NAA35: variants seen among roughly 807,000 people sequenced by gnomAD.
NAA35 encodes N-alpha-acetyltransferase 35, NatC auxiliary subunit.
Under a neutral mutation model 101.7 loss-of-function variants are expected in NAA35, and 18 were observed. The ratio of observed to expected loss-of-function variants is 0.18; its 90% CI spans 0.12 to 0.26. NAA35 has a LOEUF of 0.26. NAA35 is among the 10% of genes least tolerant of loss of function. The pLI, the probability that NAA35 is intolerant of heterozygous loss-of-function variation, is 1.00. For missense variants in NAA35, 601 were observed against 886.8 expected, an observed-to-expected ratio of 0.68 and a Z score of 4.09; for synonymous variants, 267 against 273.1, an observed-to-expected ratio of 0.98 and a Z score of 0.22.
In NAA35 at chr9:86,025,415, A is replaced by G. The variant is rs138072003; in HGVS notation, c.*3455A>G. On this transcript the variant is annotated 3_prime_UTR_variant, in exon 23 of 23. Coordinates refer to ENST00000361671, the MANE Select transcript of NAA35 (RefSeq NM_024635.4). ...CTGGGCTTGAAGAACTGACTTCCCCATATTCATACTTGCCCCACTCTATTT... is the reference window on the plus strand; with the variant it reads ...CTGGGCTTGAAGAACTGACTTCCCCGTATTCATACTTGCCCCACTCTATTT... Among the ~76,000 whole-genome samples, 66 of 152,288 alleles carry G rather than the reference A, an allele frequency of 4.3e-4. 1 individual carries two copies. Among genetic ancestry groups the G allele is most frequent in the African/African-American group, 1.4e-3 (59 of 41,570 alleles).
chr9:85,950,006 G>T (rs1828943317), intron 2 of NAA35, among the ~76,000 whole-genome samples: 2 of 152,136 alleles, frequency 1.3e-5, no homozygotes, highest in Non-Finnish European at 2.9e-5. Context: ...GCTACATGAT[G>T]TGTGATGATG....
intron 2 of NAA35, among the ~76,000 whole-genome samples, chr9:85,955,327 C>CATAT (rs1173706353): frequency 9.7e-4 from 80 of 82,844 alleles, no homozygotes; most frequent in East Asian, 3.4e-3. Context: ...CATCTATATA[C>CATAT]ATATATATAT....
chr9:85,960,010 C>T (rs1829442884), intron 5 of NAA35, 143 bp downstream of exon 5: 4 of 529,876 alleles, frequency 7.5e-6, no homozygotes, highest in East Asian at 3.0e-5. Flanking sequence ...ATTAACAGGC[C>T]TAGTAATAGC....
intron 6 of NAA35, among the ~76,000 whole-genome samples, chr9:85,962,807 C>CA (rs928903343): frequency 1.3e-5 from 2 of 152,108 alleles, no homozygotes; most frequent in African/African-American, 4.8e-5. Flanking sequence ...CCCTTGTCCT[C>CA]AAGTCTCTTA....
chr9:85,982,669 T>C (rs1351416883), intron 11 of NAA35, among the ~76,000 whole-genome samples: 2 of 152,130 alleles, frequency 1.3e-5, no homozygotes, highest in Admixed American at 1.3e-4. Context: ...TAACACACAG[T>C]TTCAAGAGGA....
At chr9:86,010,581 T>A (rs1031725926) in intron 15 of NAA35, among the ~76,000 whole-genome samples, 54 of 149,602 alleles carry the variant, frequency 3.6e-4, no homozygotes, top group Non-Finnish European at 7.0e-4. Context: ...TTTTTTTTTT[T>A]TTTTTTTTTT....
chr9:85,990,228 C>T (rs1830844566), intron 11 of NAA35, among the ~76,000 whole-genome samples: 1 of 152,210 alleles, frequency 6.6e-6, no homozygotes, highest in Admixed American at 6.5e-5. Context: ...CTAATCCGTA[C>T]CTGTGAGAAC....
At chr9:85,966,682 G>A (rs1829756508) in intron 6 of NAA35, 2 of 1,259,188 alleles carry the variant, frequency 1.6e-6, no homozygotes, top group South Asian at 1.3e-5. Flanking sequence ...GCAGTAAGTT[G>A]ACACTTCTGT....
At chr9:85,995,623 T>G (rs1369651639) in intron 11 of NAA35, among the ~76,000 whole-genome samples, 4 of 152,186 alleles carry the variant, frequency 2.6e-5, no homozygotes, top group Admixed American at 2.6e-4. Context: ...TTATCTTTAA[T>G]TGGCATCTGA....
chr9:86,022,592 T>TA lies in NAA35; in HGVS notation c.*633dup, dbSNP rs1019796687. On this transcript the variant is annotated 3_prime_UTR_variant, in exon 23 of 23. Transcript: ENST00000361671. ...TCCTTTTAGCACTTTTAAAAGATTA[T>TA]ACATTGTTTGCTGGTGACATGCAAA... Among the ~76,000 whole-genome samples, 4 of 152,236 alleles carry TA rather than the reference T, an allele frequency of 2.6e-5. No homozygotes were observed. Among genetic ancestry groups the TA allele is most frequent in the Non-Finnish European group, 5.9e-5 (4 of 68,042 alleles).
intron 6 of NAA35, among the ~76,000 whole-genome samples, chr9:85,964,039 C>G (rs1473811435): frequency 6.6e-6 from 1 of 150,876 alleles, no homozygotes; most frequent in Admixed American, 6.6e-5. Context: ...TTTTTTATAA[C>G]AAGATTGTTG....
chr9:85,974,014 T>G (rs538205631), intron 6 of NAA35, among the ~76,000 whole-genome samples: 1 of 152,262 alleles, frequency 6.6e-6, no homozygotes, highest in African/African-American at 2.4e-5. Flanking sequence ...TGGATTGCAG[T>G]GGCTCGATCT....
chr9:85,975,024 C>A lies in NAA35; in HGVS notation c.574C>A (p.Arg192=), dbSNP rs1001701452. ...FKMANSVTDL[R]VTGMLKDVED... ...AATGGCTAACAGTGTGACAGATCTTCGAGTTACAGGTAAAATTATTTTTAA... is the reference window on the plus strand; with the variant it reads ...AATGGCTAACAGTGTGACAGATCTTAGAGTTACAGGTAAAATTATTTTTAA... The change falls in exon 7 of 23, where the codon CGA becomes AGA. Residue 192 remains arginine (R), a synonymous_variant. Transcript: ENST00000361671. The A allele has an allele frequency of 6.2e-7, 1 of 1,612,388 alleles. No homozygotes were observed. The highest frequency in any genetic ancestry group is 1.3e-5 in the African/African-American group (1 of 74,814).
rs192407593 is a variant in NAA35, at chr9:85,979,717, T to G, written c.877+1336T>G. Among the ~76,000 whole-genome samples the G allele has an allele frequency of 1.3e-3, 191 of 152,346 alleles. 4 individuals carry two copies. In the South Asian group the frequency reaches 0.033, roughly 27 times the overall value. ...CCCTGTTTTGGAAAAGATTTCACTC[T>G]GTATTTTTCCTGTGCTCTCACACCA... On this transcript the variant is annotated intron_variant, in intron 11 of 22. Coordinates refer to ENST00000361671, the MANE Select transcript of NAA35 (RefSeq NM_024635.4).
chr9:85,998,879 G>C (rs1237536840), intron 12 of NAA35, among the ~76,000 whole-genome samples: 1 of 152,198 alleles, frequency 6.6e-6, no homozygotes, highest in African/African-American at 2.4e-5. Context: ...CCCTTTGGTT[G>C]CTGGTTGCCA....
chr9:86,013,664 G>T, intron 16 of NAA35, 55 bp from the exon 17 acceptor site: 2 of 1,516,558 alleles, frequency 1.3e-6, no homozygotes, highest in Non-Finnish European at 9.0e-7. Flanking sequence ...TTAAAGTTCT[G>T]TCATTACCTT....
chr9:85,996,504 A>G lies in NAA35; in HGVS notation c.983A>G (p.Tyr328Cys), dbSNP rs1408491461. The G allele has an allele frequency of 2.5e-6, 4 of 1,604,750 alleles. No homozygotes were observed. The highest frequency in any genetic ancestry group is 1.7e-4 in the Middle Eastern group (1 of 5,886). Residue 328 changes from tyrosine to cysteine, a missense_variant, in exon 12 of 23, where the codon TAT (tyrosine) becomes TGT (cysteine). Around this residue, in one of 8 missense-constraint regions of NAA35, gnomAD observed 190 missense variants for 223.1 expected, o/e 0.85. Coordinates refer to ENST00000361671, the MANE Select transcript of NAA35 (RefSeq NM_024635.4). ...ATTAAAAGGGAAGAAATGGTGAACT[A>G]TTTTGCAAGATTAATAGATAGAATA... ...KIIKREEMVN[Y>C]FARLIDRIKT...
In NAA35 at chr9:85,961,989, A is replaced by G. The variant is rs920912011; in HGVS notation, c.349-24A>G. On this transcript the variant is annotated intron_variant, in intron 5 of 22. Transcript: ENST00000361671. ...GCAGACTCAGTTTATCACCTTAAAT[A>G]TATACTCTTTTGTTTCTTTATAGAT... The G allele has an allele frequency of 3.8e-6, 6 of 1,581,588 alleles. No homozygotes were observed. The African/African-American group carries it at 5.5e-5, about 14-fold the overall frequency.
chr9:85,996,891 G>T (rs910322611), intron 12 of NAA35, among the ~76,000 whole-genome samples: 5 of 152,078 alleles, frequency 3.3e-5, no homozygotes, highest in Admixed American at 6.6e-5. Flanking sequence ...TCACTCTGTT[G>T]TCTAGGCAGG....
Sources: allele counts gnomAD v4.1 joint callset (sites outside exome capture counted in the v4.1 genomes callset), GRCh38; gene constraint gnomAD v4.1.1; regional missense constraint gnomAD v4.1.1; transcripts MANE v1.5; gene names NCBI Gene and HGNC (gene_info 2026-07-23, HGNC 2026-07-21).